FGF14: variants seen among roughly 807,000 people sequenced by gnomAD.
The protein encoded by FGF14 is fibroblast growth factor homologous factor 4.
FGF14 carries 5 observed loss-of-function variants against 25.5 expected under a neutral mutation model. The ratio of observed to expected loss-of-function variants is 0.20; its 90% CI spans 0.10 to 0.41. The LOEUF is 0.41. FGF14 is among the 10% of genes least tolerant of loss of function. The probability of loss-of-function intolerance (pLI) is 1.00; values close to 1 mark genes in which losing one functional copy is unlikely to be tolerated. For missense variants in FGF14, 222 were observed against 320.1 expected (o/e 0.69, Z 2.34); for synonymous variants, 138 against 118.3 (o/e 1.17, Z -1.08).
intron 1 of FGF14, among the ~76,000 whole-genome samples, chr13:101,931,268 C>T (rs555746228): frequency 3.5e-4 from 53 of 152,250 alleles, no homozygotes; most frequent in Non-Finnish European, 5.6e-4. Flanking sequence ...CTTCATTCTC[C>T]CTGGTCCTGG....
At chr13:101,895,696 T>C (rs2030544372) in intron 1 of FGF14, among the ~76,000 whole-genome samples, 1 of 152,336 alleles carries the variant, frequency 6.6e-6, no homozygotes, top group Admixed American at 6.5e-5. Context: ...TTCTATACTT[T>C]GCATTAGGAA....
intron 1 of FGF14, among the ~76,000 whole-genome samples, chr13:101,953,532 C>T (rs1235829491): frequency 6.7e-6 from 1 of 150,226 alleles, no homozygotes; most frequent in Non-Finnish European, 1.5e-5. Flanking sequence ...TGGTCAACTG[C>T]TACCTTTCTG....
At chr13:101,941,281 G>A (rs544088652) in intron 1 of FGF14, among the ~76,000 whole-genome samples, 1 of 152,312 alleles carries the variant, frequency 6.6e-6, no homozygotes, top group Admixed American at 6.5e-5. Context: ...AGCTACAGCT[G>A]TAGTTACCCA....
At chr13:101,969,836 T>C (rs1230939848) in intron 1 of FGF14, among the ~76,000 whole-genome samples, 1 of 152,206 alleles carries the variant, frequency 6.6e-6, no homozygotes, top group African/African-American at 2.4e-5. Flanking sequence ...GGTTGCTCTA[T>C]TGTTCTAGTC....
At chr13:102,135,713 T>C (rs1391190440) in intron 1 of FGF14, among the ~76,000 whole-genome samples, 1 of 152,234 alleles carries the variant, frequency 6.6e-6, no homozygotes, top group African/African-American at 2.4e-5. Context: ...TGGAGTGCAG[T>C]GGCACCACCT....
intron 1 of FGF14, among the ~76,000 whole-genome samples, chr13:102,087,407 CTTTTTTTTTTTTT>C (rs71125043): frequency 1.3e-4 from 11 of 84,446 alleles, no homozygotes; most frequent in East Asian, 3.9e-4. Context: ...ACTGTAATTT[CTTTTTTTTTTTTT>C]TTTTTTTTTG....
chr13:102,053,737 G>A (rs1188895221), intron 1 of FGF14, among the ~76,000 whole-genome samples: 1 of 152,122 alleles, frequency 6.6e-6, no homozygotes, highest in African/African-American at 2.4e-5. Context: ...AACCAGAGAA[G>A]TTAATAAACA....
chr13:102,396,263 G>C (rs952007664), intron 1 of FGF14, among the ~76,000 whole-genome samples: 3 of 152,124 alleles, frequency 2.0e-5, no homozygotes, highest in Non-Finnish European at 4.4e-5. Context: ...TGGGCTCAAA[G>C]GTTTTATTAA....
At chr13:102,343,556 T>C (rs1322218864) in intron 1 of FGF14, among the ~76,000 whole-genome samples, 2 of 152,212 alleles carry the variant, frequency 1.3e-5, no homozygotes, top group African/African-American at 2.4e-5. Context: ...GATTTTCTTT[T>C]AGAATGATAA....
At chr13:102,110,886 G>A (rs2045190841) in intron 1 of FGF14, among the ~76,000 whole-genome samples, 2 of 152,002 alleles carry the variant, frequency 1.3e-5, no homozygotes, top group South Asian at 2.1e-4. Context: ...TTACTTTTCT[G>A]GAAATACCAT....
At chr13:102,109,759 A>G (rs1484693273) in intron 1 of FGF14, among the ~76,000 whole-genome samples, 2 of 152,112 alleles carry the variant, frequency 1.3e-5, no homozygotes, top group Non-Finnish European at 2.9e-5. Flanking sequence ...AGCTGGGACT[A>G]CAGGCACCTG....
intron 1 of FGF14, among the ~76,000 whole-genome samples, chr13:101,995,909 T>G (rs777973923): frequency 6.6e-6 from 1 of 151,934 alleles, no homozygotes; most frequent in Non-Finnish European, 1.5e-5. Flanking sequence ...ATACAAAAAA[T>G]AGGAAAAATG....
intron 1 of FGF14, among the ~76,000 whole-genome samples, chr13:102,142,132 T>G (rs1306015480): frequency 6.6e-6 from 1 of 152,132 alleles, no homozygotes; most frequent in African/African-American, 2.4e-5. Flanking sequence ...CATGGCAAAA[T>G]GCCACAAATT....
intron 1 of FGF14, among the ~76,000 whole-genome samples, chr13:102,097,233 C>A (rs1244587655): frequency 1.3e-5 from 2 of 152,142 alleles, no homozygotes; most frequent in Admixed American, 1.3e-4. Flanking sequence ...AAAATATATT[C>A]ATGTGCCTCC....
At chr13:101,841,520 T>C (rs2043190750) in intron 3 of FGF14, among the ~76,000 whole-genome samples, 1 of 152,038 alleles carries the variant, frequency 6.6e-6, no homozygotes. Context: ...TGAGCATACA[T>C]AATGCAAAAT....
intron 1 of FGF14, among the ~76,000 whole-genome samples, chr13:102,325,024 G>A (rs9518702): frequency 0.26 from 39,327 of 151,696 alleles, 5,456 homozygotes; most frequent in Admixed American, 0.38. Flanking sequence ...TGCACACACA[G>A]CACCATCAAA....
chr13:101,902,686 T>C (rs1284778493), intron 1 of FGF14, among the ~76,000 whole-genome samples: 2 of 152,200 alleles, frequency 1.3e-5, no homozygotes, highest in Non-Finnish European at 2.9e-5. Context: ...TCTCTTGACT[T>C]ATAATTATTT....
chr13:102,118,419 G>A (rs1379753218), intron 1 of FGF14, among the ~76,000 whole-genome samples: 1 of 151,826 alleles, frequency 6.6e-6, no homozygotes, highest in Non-Finnish European at 1.5e-5. Flanking sequence ...ATACCCCAGT[G>A]ACAATAAAAG....
rs114438003 is a variant in FGF14 at position 102,197,490 on chromosome 13, T to C, written c.208+203981A>G. On this transcript the variant is annotated intron_variant, in intron 1 of 4. Coordinates refer to the FGF14 transcript ENST00000376131. Reference sequence around the variant, plus strand: ...TTCTTTACCTAAAAAAGGAGGAAGATGAACTGGTTGAGCTCTCTTGCATCT... The same window carrying C: ...TTCTTTACCTAAAAAAGGAGGAAGACGAACTGGTTGAGCTCTCTTGCATCT... Among the ~76,000 whole-genome samples, 569 of 152,260 alleles carry C rather than the reference T, an allele frequency of 3.7e-3. 2 individuals are homozygous for C. The highest frequency in any genetic ancestry group is 0.013 in the African/African-American group (539 of 41,564).
Sources: allele counts gnomAD v4.1 joint callset (sites outside exome capture counted in the v4.1 genomes callset), GRCh38; gene constraint gnomAD v4.1.1; transcripts MANE v1.5; gene names NCBI Gene and HGNC (gene_info 2026-07-23, HGNC 2026-07-21).